SFRP2: variants seen among roughly 807,000 people sequenced by gnomAD.
SFRP2 encodes the protein secreted frizzled-related protein 2.
Under a neutral mutation model 26.0 loss-of-function variants are expected in SFRP2, and 16 were observed. That is an observed-to-expected ratio of 0.61 (90% CI 0.42 to 0.93). The LOEUF (loss-of-function observed/expected upper bound fraction) is 0.93. Ranked by LOEUF, SFRP2 falls within the 40% of genes least tolerant of loss-of-function variation. SFRP2 has a pLI of 0.00. For synonymous variants in SFRP2, 173 were observed against 167.3 expected (o/e 1.03, Z -0.26); for missense variants, 343 against 392.4 (o/e 0.87, Z 1.06).
intron 1 of SFRP2, 141 bp from the exon 2 acceptor site, chr4:153,786,085 G>C: frequency 2.0e-6 from 1 of 511,262 alleles, no homozygotes; most frequent in Non-Finnish European, 3.4e-6. Context: ...CTCTATAAAA[G>C]CAGGAACACT....
Position 153,781,081 on chromosome 4 carries a change from A to C in SFRP2, c.*370T>G. 4.9e-6 allele frequency: 1 copy of C among 202,768 alleles called. No homozygotes were observed. Among genetic ancestry groups the C allele is most frequent in the Non-Finnish European group, 1.0e-5 (1 of 100,150 alleles). The allele number at this position is 202,768 out of a possible 1,614,324, so 12.6% of individuals were successfully genotyped here. ...GCATGTTATGACAACCTCAGTGGGAAGTGAAAATCAGCTGACTCAAAACAA... is the reference window on the plus strand; with the variant it reads ...GCATGTTATGACAACCTCAGTGGGACGTGAAAATCAGCTGACTCAAAACAA... On this transcript the variant is annotated 3_prime_UTR_variant, in exon 3 of 3. Coordinates refer to ENST00000274063, the MANE Select transcript of SFRP2 (RefSeq NM_003013.3).
chr4:153,786,619 G>C (rs1478592426), intron 1 of SFRP2, among the ~76,000 whole-genome samples: 1 of 152,178 alleles, frequency 6.6e-6, no homozygotes, highest in Non-Finnish European at 1.5e-5. Context: ...GATTGTGCTT[G>C]AGTTAGGCAG....
intron 2 of SFRP2, among the ~76,000 whole-genome samples, chr4:153,782,802 T>A (rs369573402): frequency 1.3e-5 from 2 of 152,258 alleles, no homozygotes; most frequent in East Asian, 3.9e-4. Context: ...GTTTTTGTAG[T>A]GGTTGCAGCA....
intron 2 of SFRP2, among the ~76,000 whole-genome samples, chr4:153,783,612 T>G (rs1269500785): frequency 6.6e-6 from 1 of 152,132 alleles, no homozygotes; most frequent in African/African-American, 2.4e-5. Flanking sequence ...ATAGGTTGTA[T>G]ATATAGGAAG....
intron 1 of SFRP2, 58 bp downstream of exon 1, chr4:153,788,276 G>T (rs1359493156): frequency 1.9e-6 from 3 of 1,559,808 alleles, no homozygotes; most frequent in East Asian, 4.5e-5. Context: ...GCAGGGGCGG[G>T]ATCTCCTGGG....
Position 153,788,885 on chromosome 4 carries a change from C to G in SFRP2, c.-50G>C. 6.7e-7 allele frequency: 1 copy of G among 1,491,628 alleles called. No homozygotes were observed. The highest frequency in any genetic ancestry group is 8.9e-7 in the Non-Finnish European group (1 of 1,125,656). 92.4% of individuals were successfully genotyped at this position (1,491,628 alleles called of 1,614,324 possible). ...CAGAGGGAGCGGAGCCGGGGAAGGG[C>G]GAGGCGGCCGGAGTTCGAGCTTGTC... is the stretch of plus-strand genomic sequence containing the variant. On this transcript the variant is annotated 5_prime_UTR_variant, in exon 1 of 3. Transcript: ENST00000274063.
rs772075948 is a variant in SFRP2 at position 153,788,589 on chromosome 4, C to G, written c.247G>C (p.Val83Leu). The stretch of plus-strand genomic sequence containing the variant: ...GTGTCCGGGTGGCACTGCTTCATGA[C>G]CAGCGGGATCCAAGCGCCGGCCTGC... The part of the protein sequence containing the change: ...LEQAGAWIPL[V>L]MKQCHPDTKK... The change falls in exon 1 of 3, where the codon GTC (valine) becomes CTC (leucine). Residue 83 changes from valine to leucine, a missense_variant. By Grantham distance (32) the Val-to-Leu change is conservative. This residue lies in a region of SFRP2 where 251 missense variants were observed against 253.3 expected (regional missense o/e 0.99). Transcript: ENST00000274063. 2 of 1,614,156 alleles carry G rather than the reference C, an allele frequency of 1.2e-6. No homozygotes were observed. The highest frequency in any genetic ancestry group is 3.3e-5 in the Admixed American group (2 of 60,018).
intron 2 of SFRP2, among the ~76,000 whole-genome samples, chr4:153,783,795 A>G (rs1560810402): frequency 6.6e-6 from 1 of 152,226 alleles, no homozygotes. Context: ...CAGAGGCAAG[A>G]TGGAATAGTG....
Position 153,789,013 on chromosome 4 carries a change from A to C in SFRP2, c.-178T>G. On this transcript the variant is annotated 5_prime_UTR_variant, in exon 1 of 3. Coordinates refer to ENST00000274063, the MANE Select transcript of SFRP2 (RefSeq NM_003013.3). Reference sequence around the variant, plus strand: ...GGACACCGGGAGGACAGCGCGGGCGAGGCGCTGCAAGCCCGCGCGCAGCTC... The same window carrying C: ...GGACACCGGGAGGACAGCGCGGGCGCGGCGCTGCAAGCCCGCGCGCAGCTC... 2 of 584,910 alleles carry C rather than the reference A, an allele frequency of 3.4e-6. No individual in the cohort carries two copies. The allele number at this position is 584,910 out of a possible 1,614,324, so 36.2% of individuals were successfully genotyped here. A position where few individuals can be genotyped will look rare whatever the true frequency, so the allele number is the denominator to read the frequency against.
chr4:153,785,741 T>G (rs1741194364), intron 2 of SFRP2, 123 bp downstream of exon 2: 4 of 604,000 alleles, frequency 6.6e-6, no homozygotes, highest in Non-Finnish European at 1.1e-5. Flanking sequence ...TTGGGATACA[T>G]GAGCTATAAT....
At chr4:153,787,495 TGTATATG>T (rs1741229887) in intron 1 of SFRP2, among the ~76,000 whole-genome samples, 2 of 152,236 alleles carry the variant, frequency 1.3e-5, no homozygotes, top group Non-Finnish European at 2.9e-5. Context: ...TCAGAGGCAT[TGTATATG>T]TTTTCCTTTC....
At position 153,788,364 on chromosome 4, in the gene SFRP2, T is replaced by C; in HGVS notation, c.472A>G (p.Ser158Gly). 6.2e-7 allele frequency: 1 copy of C among 1,612,262 alleles called. No homozygotes were observed. Among genetic ancestry groups the C allele is most frequent in the Non-Finnish European group, 8.5e-7 (1 of 1,179,186 alleles). Residue 158 changes from serine (S) to glycine (G), a missense_variant, in exon 1 of 3, where the codon AGC (serine) becomes GGC (glycine). Physicochemically the swap from Ser to Gly is moderately conservative, Grantham distance 56. This residue lies in a region of SFRP2 where 251 missense variants were observed against 253.3 expected (regional missense o/e 0.99). Coordinates refer to ENST00000274063, the MANE Select transcript of SFRP2 (RefSeq NM_003013.3). ...DNDLCIPLAS[S>G]DHLLPATEEA... ...TCGGTGGCTGGCAGGAGGTGGTCGC[T>C]GCTAGCGAGGGGGATGCAAAGGTCG... is the stretch of plus-strand genomic sequence containing the variant.
rs114815881 is a variant in SFRP2, at chr4:153,781,813, C to T, written c.584-58G>A. On this transcript the variant is annotated intron_variant, in intron 2 of 2. Transcript: ENST00000274063. ...TATAATGAGGGAATACAGTATACCT[C>T]CCCCCATTCTGCCAACTCGTGTGAC... The T allele has an allele frequency of 1.3e-3, 1,867 of 1,433,966 alleles. 16 individuals carry two copies. The African/African-American group carries it at 0.023, about 18-fold the overall frequency. 88.8% of individuals were successfully genotyped at this position (1,433,966 alleles called of 1,614,324 possible). A position where few individuals can be genotyped will look rare whatever the true frequency, so the allele number is the denominator to read the frequency against.
At chr4:153,783,691 A>G (rs1166034891) in intron 2 of SFRP2, among the ~76,000 whole-genome samples, 1 of 152,232 alleles carries the variant, frequency 6.6e-6, no homozygotes, top group Admixed American at 6.5e-5. Context: ...TCAGGAGCAC[A>G]GTAGGGAAGA....
chr4:153,783,085 G>C (rs959915307), intron 2 of SFRP2, among the ~76,000 whole-genome samples: 10 of 151,790 alleles, frequency 6.6e-5, no homozygotes, highest in African/African-American at 2.4e-4. Flanking sequence ...AAAATGCTAT[G>C]ACTTGGCCAA....
At chr4:153,782,006 C>G (rs901048380) in intron 2 of SFRP2, among the ~76,000 whole-genome samples, 10 of 152,170 alleles carry the variant, frequency 6.6e-5, no homozygotes, top group African/African-American at 2.4e-4. Context: ...TCTCTCTTTG[C>G]GGGACTCAAT....
chr4:153,785,965 C>A lies in SFRP2; in HGVS notation c.503-21G>T, dbSNP rs1741201630. 2.6e-6 allele frequency: 4 copies of A among 1,537,654 alleles called. No individual in the cohort carries two copies. The South Asian group carries it at 3.6e-5, about 14-fold the overall frequency. ...TGGAGCTAGAAATGTGAAAAACAGT[C>A]TTTAGTAAGTTTGCTTAAAAGAGAA... On this transcript the variant is annotated intron_variant, in intron 1 of 2. Transcript: ENST00000274063.
At chr4:153,787,773 C>T (rs920633112) in intron 1 of SFRP2, among the ~76,000 whole-genome samples, 4 of 152,190 alleles carry the variant, frequency 2.6e-5, no homozygotes, top group Non-Finnish European at 4.4e-5. Context: ...GGTTTTATTT[C>T]CAAAATCTAA....
chr4:153,788,341 G>C lies in SFRP2; in HGVS notation c.495C>G (p.Thr165=). The change falls in exon 1 of 3, where the codon ACC becomes ACG. Residue 165 remains threonine (T), a synonymous_variant. Coordinates refer to ENST00000274063, the MANE Select transcript of SFRP2 (RefSeq NM_003013.3). ...LASSDHLLPA[T]EEAPKVCEAC... Reference sequence around the variant, plus strand: ...GCAAGAGGGAAGGCTTACCTTCCTCGGTGGCTGGCAGGAGGTGGTCGCTGC... The same window carrying C: ...GCAAGAGGGAAGGCTTACCTTCCTCCGTGGCTGGCAGGAGGTGGTCGCTGC... 1.2e-6 allele frequency: 2 copies of C among 1,609,844 alleles called. No homozygotes were observed. Among genetic ancestry groups the C allele is most frequent in the Non-Finnish European group, 1.7e-6 (2 of 1,177,238 alleles).
Sources: allele counts gnomAD v4.1 joint callset (sites outside exome capture counted in the v4.1 genomes callset), GRCh38; gene constraint gnomAD v4.1.1; regional missense constraint gnomAD v4.1.1; transcripts MANE v1.5; gene names NCBI Gene and HGNC (gene_info 2026-07-23, HGNC 2026-07-21).